The following CPT1A variants were observed in gnomAD, a reference collection of about 807,000 sequenced individuals.
CPT1A encodes the protein carnitine palmitoyltransferase 1A.
CPT1A carries 64 observed loss-of-function variants against 100.8 expected under a neutral mutation model. That is an observed-to-expected ratio of 0.63 (90% CI 0.52 to 0.78). The LOEUF (loss-of-function observed/expected upper bound fraction) is 0.78, where lower values mean the gene tolerates loss of function less well. Among genes scored for constraint, CPT1A ranks in the 30% least tolerant of loss-of-function variants. The pLI, the probability that CPT1A is intolerant of heterozygous loss-of-function variation, is 0.00. For missense variants in CPT1A, 802 were observed against 1,034.1 expected (o/e 0.78, Z 3.08); for synonymous variants, 363 against 396.0 (o/e 0.92, Z 0.99).
intron 17 of CPT1A, 136 bp from the exon 18 acceptor site, chr11:68,759,797 G>A (rs543545303): frequency 4.1e-6 from 3 of 729,786 alleles, no homozygotes; most frequent in Non-Finnish European, 7.5e-6. Flanking sequence ...GGAGGCTGAG[G>A]CAGGCGGGTC....
intron 12 of CPT1A, among the ~76,000 whole-genome samples, chr11:68,777,451 G>T (rs1196321756): frequency 1.3e-5 from 2 of 152,064 alleles, no homozygotes; most frequent in Non-Finnish European, 2.9e-5. Flanking sequence ...AATAAAAATA[G>T]AACAAGAACA....
chr11:68,761,021 CA>C (rs1566339327), intron 16 of CPT1A, among the ~76,000 whole-genome samples: 1 of 150,848 alleles, frequency 6.6e-6, no homozygotes, highest in African/African-American at 2.4e-5. Context: ...ACTCCATCTC[CA>C]AAAAATAAAA....
intron 1 of CPT1A, among the ~76,000 whole-genome samples, chr11:68,836,645 C>T (rs2154002969): frequency 6.6e-6 from 1 of 151,926 alleles, no homozygotes; most frequent in East Asian, 2.0e-4. Flanking sequence ...GGTGGCATGC[C>T]CCTGTAGTCC....
chr11:68,780,760 C>T lies in CPT1A; in HGVS notation c.1353-15G>A, dbSNP rs17848451. 7.5e-6 allele frequency: 12 copies of T among 1,608,262 alleles called. No individual in the cohort carries two copies. The highest frequency in any genetic ancestry group is 1.6e-4 in the Middle Eastern group (1 of 6,072). ...TGTCAAACCACCTACGTGAAACACACATGTGTGGAACTTAAGTGTTTAAAG... is the reference window on the plus strand; with the variant it reads ...TGTCAAACCACCTACGTGAAACACATATGTGTGGAACTTAAGTGTTTAAAG... On this transcript the variant is annotated splice_polypyrimidine_tract_variant and intron_variant, in intron 11 of 18. Coordinates refer to ENST00000265641, the MANE Select transcript of CPT1A (RefSeq NM_001876.4).
chr11:68,799,216 A>T lies in CPT1A; in HGVS notation c.693+2T>A, dbSNP rs1855836993. The T allele has an allele frequency of 1.2e-6, 2 of 1,613,346 alleles. No homozygotes were observed. Among genetic ancestry groups the T allele is most frequent in the East Asian group, 2.2e-5 (1 of 44,864 alleles). On this transcript the variant is annotated splice_donor_variant, in intron 6 of 18. Transcript: ENST00000265641. LOFTEE classifies it high-confidence loss of function. ...CAAGAAAAACTGTGTATACAGACTTACGTAATTTGTAGCCCACCAGGATTT... is the reference window on the plus strand; with the variant it reads ...CAAGAAAAACTGTGTATACAGACTTTCGTAATTTGTAGCCCACCAGGATTT...
intron 5 of CPT1A, among the ~76,000 whole-genome samples, chr11:68,802,896 C>CAAAAAAAAAAAAAAAAAAA (rs901808584): frequency 8.9e-5 from 4 of 44,960 alleles, no homozygotes; most frequent in Non-Finnish European, 1.5e-4. Flanking sequence ...GACCCTGTCT[C>CAAAAAAAAAAAAAAAAAAA]AAAAAAAAAA....
chr11:68,812,033 A>G (rs1017235609), intron 3 of CPT1A, among the ~76,000 whole-genome samples: 1 of 152,204 alleles, frequency 6.6e-6, no homozygotes, highest in Non-Finnish European at 1.5e-5. Flanking sequence ...CAGTCAGTTC[A>G]AGGGTCACAG....
At position 68,804,048 on chromosome 11, in the gene CPT1A, T is replaced by C. The variant is rs547886138; in HGVS notation, c.507A>G (p.Thr169=). 3 of 1,614,152 alleles carry C rather than the reference T, an allele frequency of 1.9e-6. No homozygotes were observed. Among genetic ancestry groups the C allele is most frequent in the Non-Finnish European group, 2.5e-6 (3 of 1,179,998 alleles). ...GRKPMLYSFQ[T]SLPRLPVPAV... ...CCGGGACCGGCAGGCGAGGCAGCGA[T>C]GTCTGGAAGCTGTACAACATGGGTT... The change falls in exon 5 of 19, where the codon ACA becomes ACG. Residue 169 remains threonine (T), a synonymous_variant. Transcript: ENST00000265641.
rs1344180356 is a variant in CPT1A at position 68,755,055 on chromosome 11, T to TA, written c.*2588dup. On this transcript the variant is annotated 3_prime_UTR_variant, in exon 19 of 19. Transcript: ENST00000265641. Reference sequence around the variant, plus strand: ...GTTTGTTCCAATTAAATTAAACAGATAATACTCTTATCACCCCCCTTGGAC... The same window carrying TA: ...GTTTGTTCCAATTAAATTAAACAGATAAATACTCTTATCACCCCCCTTGGAC... The TA allele has an allele frequency of 1.8e-6, 1 of 566,240 alleles. No homozygotes were observed. The highest frequency in any genetic ancestry group is 3.2e-6 in the Non-Finnish European group (1 of 316,324). The allele number at this position is 566,240 out of a possible 1,614,324, so 35.1% of individuals were successfully genotyped here. A position where few individuals can be genotyped will look rare whatever the true frequency, so the allele number is the denominator to read the frequency against.
At chr11:68,781,743 C>A in intron 11 of CPT1A, 28 bp downstream of exon 11, 1 of 1,611,418 alleles carries the variant, frequency 6.2e-7, no homozygotes, top group African/African-American at 1.3e-5. Context: ...TGGGCAAACT[C>A]CTGTCTCTCA....
intron 1 of CPT1A, among the ~76,000 whole-genome samples, chr11:68,831,395 G>C (rs1256132299): frequency 1.3e-5 from 2 of 152,138 alleles, no homozygotes; most frequent in Non-Finnish European, 2.9e-5. Flanking sequence ...ATGGAGATAT[G>C]GGACTTGCCT....
chr11:68,809,332 A>G (rs777083624), intron 3 of CPT1A, among the ~76,000 whole-genome samples: 10 of 152,146 alleles, frequency 6.6e-5, no homozygotes, highest in Non-Finnish European at 1.0e-4. Context: ...ATATTTTAGC[A>G]TAAACAAATA....
chr11:68,779,635 A>C (rs554586566), intron 12 of CPT1A, among the ~76,000 whole-genome samples: 1 of 152,064 alleles, frequency 6.6e-6, no homozygotes, highest in Admixed American at 6.6e-5. Context: ...GTTTCTACAA[A>C]AAATACAAAA....
Position 68,765,452 on chromosome 11 carries a change from G to A in CPT1A, c.1741-2691C>T, listed in dbSNP as rs76459661. ...CACCCTTGACCCACTGTGACCAGCC[G>A]CCATCAGGAGGATGGCCCTTCGCTG... is the stretch of plus-strand genomic sequence containing the variant. On this transcript the variant is annotated intron_variant, in intron 14 of 18. Coordinates refer to ENST00000265641, the MANE Select transcript of CPT1A (RefSeq NM_001876.4). 1.7e-3 allele frequency among the ~76,000 whole-genome samples: 254 copies of A among 152,250 alleles called. 8 individuals carry two copies. In the East Asian group the frequency reaches 0.045, roughly 27 times the overall value.
chr11:68,811,678 T>C (rs1856213528), intron 3 of CPT1A, among the ~76,000 whole-genome samples: 1 of 152,174 alleles, frequency 6.6e-6, no homozygotes, highest in African/African-American at 2.4e-5. Flanking sequence ...GTCTGAATGC[T>C]TTCTCACTGG....
intron 1 of CPT1A, among the ~76,000 whole-genome samples, chr11:68,816,075 G>A (rs1442159688): frequency 2.0e-5 from 3 of 152,096 alleles, no homozygotes; most frequent in African/African-American, 7.2e-5. Flanking sequence ...TAAAGCCCAC[G>A]GCGCTTCAGC....
intron 1 of CPT1A, among the ~76,000 whole-genome samples, chr11:68,820,762 C>T (rs1856560695): frequency 6.6e-6 from 1 of 152,120 alleles, no homozygotes; most frequent in African/African-American, 2.4e-5. Flanking sequence ...CCACTCCCTC[C>T]TTCCAGGGAC....
intron 1 of CPT1A, among the ~76,000 whole-genome samples, chr11:68,828,407 C>CCA (rs1182545996): frequency 6.6e-6 from 1 of 151,786 alleles, no homozygotes; most frequent in Admixed American, 6.6e-5. Context: ...GTCAGGGCCC[C>CCA]CCACCTCCCA....
upstream of CPT1A, among the ~76,000 whole-genome samples, chr11:68,843,402 G>T (rs1160634808): frequency 1.3e-5 from 2 of 148,456 alleles, no homozygotes; most frequent in Non-Finnish European, 3.0e-5. This position sits in a 1 kb window ranked among gnomAD's most constrained non-coding sequence, Gnocchi z 4.0. Context: ...TAAAAGCTGC[G>T]TTGGCCGTCG....
Sources: allele counts gnomAD v4.1 joint callset (sites outside exome capture counted in the v4.1 genomes callset), GRCh38; gene constraint gnomAD v4.1.1; non-coding constraint Gnocchi (gnomAD v3.1); transcripts MANE v1.5; gene names NCBI Gene and HGNC (gene_info 2026-07-23, HGNC 2026-07-21).